Variants in CLDN10 observed in about 807,000 individuals in gnomAD.
The protein encoded by CLDN10 is claudin-10.
In CLDN10, 15 loss-of-function variants were observed where a neutral mutation model predicts 22.9. The ratio of observed to expected loss-of-function variants is 0.65; its 90% CI spans 0.44 to 1.01. The LOEUF is 1.01. CLDN10 is among the 50% of genes least tolerant of loss of function. CLDN10 has a pLI of 0.00. For synonymous variants in CLDN10, 114 were observed against 111.4 expected, an observed-to-expected ratio of 1.02 and a Z score of -0.15; for missense variants, 247 against 287.8, an observed-to-expected ratio of 0.86 and a Z score of 1.03.
intron 1 of CLDN10, among the ~76,000 whole-genome samples, chr13:95,556,508 A>G (rs553409886): frequency 3.3e-5 from 5 of 152,360 alleles, no homozygotes; most frequent in Middle Eastern, 6.8e-3. Context: ...AATCCATTGT[A>G]GTATTATAAT....
At chr13:95,486,522 CAAA>C (rs35424054) in intron 1 of CLDN10, among the ~76,000 whole-genome samples, 63,927 of 113,060 alleles carry the variant, frequency 0.57, 16,876 homozygotes, top group Middle Eastern at 0.69. Flanking sequence ...GACCCCATCT[CAAA>C]AAAAAAAAAA....
At chr13:95,544,902 G>C (rs1039224487) in intron 1 of CLDN10, among the ~76,000 whole-genome samples, 2 of 151,382 alleles carry the variant, frequency 1.3e-5, no homozygotes, top group East Asian at 3.9e-4. Context: ...TCAGCCTCCC[G>C]AGTAGCTGGG....
At chr13:95,485,466 G>T (rs1216377809) in intron 1 of CLDN10, among the ~76,000 whole-genome samples, 1 of 152,158 alleles carries the variant, frequency 6.6e-6, no homozygotes. Context: ...AGTCATTGGA[G>T]CTGAATTTCC....
chr13:95,517,663 C>T (rs1175581699), intron 1 of CLDN10, among the ~76,000 whole-genome samples: 2 of 152,066 alleles, frequency 1.3e-5, no homozygotes, highest in African/African-American at 4.8e-5. Flanking sequence ...AGGTCGGGCG[C>T]GGTGGCTCAT....
At chr13:95,494,732 C>G (rs1057254108) in intron 1 of CLDN10, among the ~76,000 whole-genome samples, 1 of 152,216 alleles carries the variant, frequency 6.6e-6, no homozygotes, top group East Asian at 1.9e-4. Context: ...CTTCCTCTAG[C>G]GTGTTCTGAA....
chr13:95,563,917 A>G (rs772887734), intron 3 of CLDN10, among the ~76,000 whole-genome samples: 1 of 152,202 alleles, frequency 6.6e-6, no homozygotes, highest in Non-Finnish European at 1.5e-5. Flanking sequence ...AAATGAACTG[A>G]TTTCCTAGCT....
At chr13:95,435,114 G>T (rs184254847) in intron 1 of CLDN10, among the ~76,000 whole-genome samples, 1 of 152,164 alleles carries the variant, frequency 6.6e-6, no homozygotes, top group African/African-American at 2.4e-5. Context: ...TATTTTTTAA[G>T]GACATTTTCA....
chr13:95,561,236 A>G (rs901480002), intron 3 of CLDN10, among the ~76,000 whole-genome samples: 2 of 152,196 alleles, frequency 1.3e-5, no homozygotes, highest in Non-Finnish European at 2.9e-5. Context: ...ATTGCTATCA[A>G]TGAGGCTGGT....
intron 1 of CLDN10, among the ~76,000 whole-genome samples, chr13:95,448,844 A>G (rs567770992): frequency 3.3e-5 from 5 of 151,932 alleles, no homozygotes; most frequent in African/African-American, 1.2e-4. Flanking sequence ...GGTTCAAGTG[A>G]TTCTCGGTCC....
intron 3 of CLDN10, among the ~76,000 whole-genome samples, chr13:95,567,024 C>G (rs1321862842): frequency 6.6e-6 from 1 of 152,126 alleles, no homozygotes; most frequent in Non-Finnish European, 1.5e-5. Flanking sequence ...GTTACTGTAG[C>G]CTTGTAGTAT....
chr13:95,568,553 A>G (rs1448072742), intron 3 of CLDN10, among the ~76,000 whole-genome samples: 2 of 151,954 alleles, frequency 1.3e-5, no homozygotes. Flanking sequence ...CAGAACCTGC[A>G]TTTTGGGTGG....
intron 3 of CLDN10, among the ~76,000 whole-genome samples, chr13:95,574,915 T>C (rs139641112): frequency 3.3e-5 from 5 of 152,354 alleles, no homozygotes; most frequent in African/African-American, 1.2e-4. Flanking sequence ...GGGTAATTTA[T>C]CCTGTGATTT....
At chr13:95,511,931 G>A (rs1452570217) in intron 1 of CLDN10, among the ~76,000 whole-genome samples, 2 of 140,292 alleles carry the variant, frequency 1.4e-5, no homozygotes, top group Admixed American at 1.5e-4. Flanking sequence ...CATGTGCCAT[G>A]TTGGTGTGCT....
intron 1 of CLDN10, among the ~76,000 whole-genome samples, chr13:95,439,466 G>A (rs1042477121): frequency 1.4e-4 from 21 of 151,262 alleles, no homozygotes; most frequent in Admixed American, 6.6e-4. Flanking sequence ...CCCAAGTAGC[G>A]GGGACTACAG....
chr13:95,456,843 A>G (rs2042486632), intron 1 of CLDN10, among the ~76,000 whole-genome samples: 2 of 152,246 alleles, frequency 1.3e-5, no homozygotes, highest in Non-Finnish European at 2.9e-5. Flanking sequence ...CTTTGTTTGT[A>G]AAGACAGATC....
chr13:95,465,153 AAGAG>A (rs374420341), intron 1 of CLDN10, among the ~76,000 whole-genome samples: 5 of 152,178 alleles, frequency 3.3e-5, no homozygotes, highest in African/African-American at 1.2e-4. Context: ...TGGTGGCAGA[AAGAG>A]AGAATGAGGC....
chr13:95,532,332 A>G (rs2043352866), intron 1 of CLDN10, among the ~76,000 whole-genome samples: 1 of 152,180 alleles, frequency 6.6e-6, no homozygotes, highest in Non-Finnish European at 1.5e-5. Context: ...AAAGGAGCAA[A>G]AAATTTGGAC....
intron 1 of CLDN10, among the ~76,000 whole-genome samples, chr13:95,534,366 A>G (rs1355624913): frequency 1.3e-5 from 2 of 152,236 alleles, no homozygotes; most frequent in Non-Finnish European, 2.9e-5. Context: ...GTTAAAATCA[A>G]AAGAGGAAAA....
intron 1 of CLDN10, among the ~76,000 whole-genome samples, chr13:95,526,194 G>A (rs1211574250): frequency 6.6e-6 from 1 of 151,962 alleles, no homozygotes; most frequent in East Asian, 1.9e-4. Context: ...TTTTATTTCT[G>A]TGAAAATATT....
Sources: gnomAD v4.1 joint callset for allele counts (sites outside exome capture counted in the v4.1 genomes callset) on GRCh38, gnomAD v4.1.1 for gene constraint, MANE v1.5 for transcripts, NCBI Gene and HGNC (gene_info 2026-07-23, HGNC 2026-07-21) for gene names.